The following PDE5A variants were observed in gnomAD, a reference collection of about 807,000 sequenced individuals.
PDE5A encodes cGMP-specific 3',5'-cyclic phosphodiesterase.
PDE5A carries 67 observed loss-of-function variants against 110.2 expected under a neutral mutation model. The ratio of observed to expected loss-of-function variants is 0.61; its 90% CI spans 0.50 to 0.75. PDE5A has a LOEUF of 0.75. Among genes scored for constraint, PDE5A ranks in the 30% least tolerant of loss-of-function variants. The probability of loss-of-function intolerance (pLI) is 0.00; values close to 1 mark genes in which losing one functional copy is unlikely to be tolerated. For synonymous variants in PDE5A, 328 were observed against 351.2 expected (o/e 0.93, Z 0.74); for missense variants, 862 against 1,045.1 (o/e 0.82, Z 2.42).
At chr4:119,623,435 G>A (rs902938553) in intron 1 of PDE5A, among the ~76,000 whole-genome samples, 2 of 152,150 alleles carry the variant, frequency 1.3e-5, no homozygotes, top group Non-Finnish European at 2.9e-5. Flanking sequence ...ACAATTGGCT[G>A]TTGGAACAAA....
At chr4:119,540,642 A>G (rs975539241) in intron 10 of PDE5A, among the ~76,000 whole-genome samples, 1 of 152,236 alleles carries the variant, frequency 6.6e-6, no homozygotes, top group African/African-American at 2.4e-5. Context: ...TAACTTACAC[A>G]TGGGGCATAA....
At chr4:119,510,069 T>C (rs1392941200) in intron 15 of PDE5A, among the ~76,000 whole-genome samples, 1 of 82,762 alleles carries the variant, frequency 1.2e-5, no homozygotes, top group East Asian at 5.0e-4. Flanking sequence ...AGGAAGGAGT[T>C]AGAAGAAACA....
intron 3 of PDE5A, among the ~76,000 whole-genome samples, chr4:119,590,637 A>C (rs993979801): frequency 6.6e-6 from 1 of 152,208 alleles, no homozygotes; most frequent in Admixed American, 6.5e-5. Context: ...TTGTAAAAAA[A>C]GCACTGCTGT....
chr4:119,550,998 A>C (rs1428045774), intron 9 of PDE5A, among the ~76,000 whole-genome samples: 1 of 152,080 alleles, frequency 6.6e-6, no homozygotes, highest in African/African-American at 2.4e-5. Context: ...TTCTCTGAGA[A>C]CTGTAGAAGA....
chr4:119,539,592 G>C (rs1726854195), intron 10 of PDE5A, among the ~76,000 whole-genome samples: 1 of 151,924 alleles, frequency 6.6e-6, no homozygotes, highest in Admixed American at 6.6e-5. Flanking sequence ...GAAGAGAGTA[G>C]TGCTGGCCTG....
chr4:119,626,440 T>G (rs1027068909), intron 1 of PDE5A, among the ~76,000 whole-genome samples: 1 of 152,220 alleles, frequency 6.6e-6, no homozygotes, highest in African/African-American at 2.4e-5. Flanking sequence ...GAAAGGACAT[T>G]TATGCTGATT....
chr4:119,498,278 C>T lies in PDE5A; in HGVS notation c.*323G>A. 5.1e-6 allele frequency: 1 copy of T among 196,542 alleles called. No homozygotes were observed. The highest frequency in any genetic ancestry group is 1.0e-5 in the Non-Finnish European group (1 of 97,210). 12.2% of individuals were successfully genotyped at this position (196,542 alleles called of 1,614,324 possible). A position where few individuals can be genotyped will look rare whatever the true frequency, so the allele number is the denominator to read the frequency against. On this transcript the variant is annotated 3_prime_UTR_variant, in exon 21 of 21. Coordinates refer to ENST00000354960, the MANE Select transcript of PDE5A (RefSeq NM_001083.4). The stretch of plus-strand genomic sequence containing the variant: ...ACAAAAACCAATTATTTAAAATAAT[C>T]CCCAAGCAAAAAAACCTCAGTGCAA...
At chr4:119,580,820 T>C (rs146218203) in intron 3 of PDE5A, among the ~76,000 whole-genome samples, 69 of 152,380 alleles carry the variant, frequency 4.5e-4, no homozygotes, top group African/African-American at 1.6e-3. Context: ...ATAAAAAATT[T>C]TGTATATCAA....
intron 16 of PDE5A, among the ~76,000 whole-genome samples, chr4:119,506,450 A>G (rs1259564962): frequency 6.6e-6 from 1 of 151,848 alleles, no homozygotes; most frequent in Non-Finnish European, 1.5e-5. Context: ...ATACCTCTTT[A>G]TGTGCCCAGT....
At chr4:119,603,746 T>A (rs1407210626) in intron 2 of PDE5A, among the ~76,000 whole-genome samples, 1 of 152,132 alleles carries the variant, frequency 6.6e-6, no homozygotes, top group Admixed American at 6.6e-5. Context: ...TCAATCTGAG[T>A]ATTATTCTGT....
chr4:119,578,754 A>T (rs1326158463), intron 3 of PDE5A, among the ~76,000 whole-genome samples: 6 of 152,162 alleles, frequency 3.9e-5, no homozygotes, highest in Non-Finnish European at 7.4e-5. Flanking sequence ...AACCTAGGCA[A>T]TACCATTCAG....
chr4:119,534,265 CCGTGG>C (rs1459375461), intron 11 of PDE5A, among the ~76,000 whole-genome samples: 2 of 152,104 alleles, frequency 1.3e-5, no homozygotes, highest in African/African-American at 4.8e-5. Flanking sequence ...TGGTACCCGA[CCGTGG>C]CTGGTTAGGA....
chr4:119,512,322 C>T (rs1390034753), intron 14 of PDE5A: 2 of 152,146 alleles, frequency 1.3e-5, no homozygotes, highest in Non-Finnish European at 2.9e-5. Flanking sequence ...TCTTGCCCTT[C>T]TTGTCTTCTT....
At chr4:119,605,001 T>C (rs1729477407) in intron 2 of PDE5A, among the ~76,000 whole-genome samples, 1 of 152,160 alleles carries the variant, frequency 6.6e-6, no homozygotes, top group Non-Finnish European at 1.5e-5. Flanking sequence ...TAATCTTCTA[T>C]CCTCCCAACT....
At position 119,627,919 on chromosome 4, in the gene PDE5A, C is replaced by T. The variant is rs974530909; in HGVS notation, c.152+601G>A. ...GCTCTACTTTTGGCGGCACAGCCTTCGGCGGAAAAGCGAGTGAAAGGAGGC... is the reference window on the plus strand; with the variant it reads ...GCTCTACTTTTGGCGGCACAGCCTTTGGCGGAAAAGCGAGTGAAAGGAGGC... On this transcript the variant is annotated intron_variant, in intron 1 of 20. Coordinates refer to ENST00000354960, the MANE Select transcript of PDE5A (RefSeq NM_001083.4). This position sits in a 1 kb window ranked among gnomAD's most constrained non-coding sequence, Gnocchi z 4.6. 3 of 405,968 alleles carry T rather than the reference C, an allele frequency of 7.4e-6. No homozygotes were observed. Among genetic ancestry groups the T allele is most frequent in the Non-Finnish European group, 6.7e-6 (2 of 300,110 alleles). The allele number at this position is 405,968 out of a possible 1,614,324, so 25.1% of individuals were successfully genotyped here.
intron 3 of PDE5A, among the ~76,000 whole-genome samples, chr4:119,570,407 C>A (rs1728099809): frequency 6.6e-6 from 1 of 152,284 alleles, no homozygotes; most frequent in South Asian, 2.1e-4. Flanking sequence ...TTTTGCCTAC[C>A]TGCTGGCTAA....
chr4:119,499,324 A>G (rs1725205521), intron 20 of PDE5A, among the ~76,000 whole-genome samples: 2 of 152,188 alleles, frequency 1.3e-5, no homozygotes, highest in Non-Finnish European at 2.9e-5. Context: ...CCGCAGAATA[A>G]AAAAATAAAA....
At chr4:119,618,015 A>G (rs1340364537) in intron 1 of PDE5A, among the ~76,000 whole-genome samples, 1 of 152,170 alleles carries the variant, frequency 6.6e-6, no homozygotes, top group Non-Finnish European at 1.5e-5. Context: ...ATGACATTAA[A>G]TCTATGAGCC....
At chr4:119,620,886 C>T (rs921013637) in intron 1 of PDE5A, among the ~76,000 whole-genome samples, 11 of 152,160 alleles carry the variant, frequency 7.2e-5, no homozygotes, top group Non-Finnish European at 1.6e-4. Context: ...GAATAAGTTT[C>T]ATGATTGTTC....
Sources: allele counts gnomAD v4.1 joint callset (sites outside exome capture counted in the v4.1 genomes callset), GRCh38; gene constraint gnomAD v4.1.1; non-coding constraint Gnocchi (gnomAD v3.1); transcripts MANE v1.5; gene names NCBI Gene and HGNC (gene_info 2026-07-23, HGNC 2026-07-21).